Variants in RABAC1 observed in about 807,000 individuals in gnomAD.
RABAC1 encodes the protein prenylated Rab acceptor protein 1.
In RABAC1, 16 loss-of-function variants were observed where a neutral mutation model predicts 22.9. The ratio of observed to expected loss-of-function variants is 0.70; its 90% CI spans 0.47 to 1.06. RABAC1 has a LOEUF of 1.06. Among genes scored for constraint, RABAC1 ranks in the 50% least tolerant of loss-of-function variants. RABAC1 has a pLI of 0.00. For synonymous variants in RABAC1, 139 were observed against 107.7 expected (o/e 1.29, Z -1.80); for missense variants, 227 against 246.5 (o/e 0.92, Z 0.53).
chr19:41,958,965 C>T lies in RABAC1; in HGVS notation c.57-17G>A. 1 of 1,548,546 alleles carries T rather than the reference C, an allele frequency of 6.5e-7. No individual in the cohort carries two copies. Among genetic ancestry groups the T allele is most frequent in the South Asian group, 1.2e-5 (1 of 85,174 alleles). On this transcript the variant is annotated splice_polypyrimidine_tract_variant and intron_variant, in intron 1 of 4. Coordinates refer to ENST00000222008, the MANE Select transcript of RABAC1 (RefSeq NM_006423.3). ...AGCAGGGTCCTGCGGGGGGTGGGGCCGGGTCAGTGGTGGACCGGGATGGAG... is the reference window on the plus strand; with the variant it reads ...AGCAGGGTCCTGCGGGGGGTGGGGCTGGGTCAGTGGTGGACCGGGATGGAG...
chr19:41,957,186 GC>G (rs2074993970), intron 3 of RABAC1, 67 bp from the exon 4 acceptor site: 6 of 1,325,628 alleles, frequency 4.5e-6, no homozygotes, highest in East Asian at 2.4e-5. Context: ...AACCCCTGCT[GC>G]CCCCCAACAA....
chr19:41,956,924 C>T lies in RABAC1; in HGVS notation c.480G>A (p.Leu160=), dbSNP rs934783410. 7 of 1,612,760 alleles carry T rather than the reference C, an allele frequency of 4.3e-6. No homozygotes were observed. The highest frequency in any genetic ancestry group is 5.9e-6 in the Non-Finnish European group (7 of 1,179,408). The change falls in exon 5 of 5, where the codon CTG becomes CTA. Residue 160 remains leucine (L), a synonymous_variant. Transcript: ENST00000222008. ...SAVFWVLGAT[L]VVIGSHAAFH... ...AGGCAGCGTGGGAGCCGATGACCACCAGGGTGGCTCCTGCAGGAAAGCCGG... is the reference window on the plus strand; with the variant it reads ...AGGCAGCGTGGGAGCCGATGACCACTAGGGTGGCTCCTGCAGGAAAGCCGG...
intron 3 of RABAC1, chr19:41,957,427 GCGCAGAC>G (rs1555856867): frequency 2.6e-6 from 1 of 381,612 alleles, no homozygotes; most frequent in Non-Finnish European, 4.8e-6. Context: ...TGCAACCCTC[GCGCAGAC>G]CAGGGTCTCA....
At chr19:41,958,445 C>G in intron 2 of RABAC1, 62 bp from the exon 3 acceptor site, 1 of 1,487,712 alleles carries the variant, frequency 6.7e-7, no homozygotes, top group Admixed American at 1.9e-5. Flanking sequence ...CCCGACGGCC[C>G]TGGCCTTCTC....
At chr19:41,957,157 C>A (rs1555856825) in intron 3 of RABAC1, 38 bp from the exon 4 acceptor site, 1 of 1,544,692 alleles carries the variant, frequency 6.5e-7, no homozygotes, top group East Asian at 2.3e-5. Context: ...TTCCGACTCT[C>A]CATGCCCTCT....
chr19:41,956,967 C>A, intron 4 of RABAC1, 33 bp from the exon 5 acceptor site: 2 of 1,612,976 alleles, frequency 1.2e-6, no homozygotes, highest in Non-Finnish European at 1.7e-6. Flanking sequence ...GGGCCACACT[C>A]CTGCACCTGG....
chr19:41,958,228 A>T (rs929969026), intron 3 of RABAC1, 58 bp downstream of exon 3: 3 of 1,509,660 alleles, frequency 2.0e-6, no homozygotes, highest in Non-Finnish European at 2.7e-6. Flanking sequence ...GTCTGTCTGC[A>T]TTCCAAAAGA....
chr19:41,958,714 G>A, intron 2 of RABAC1, 22 bp downstream of exon 2: 1 of 1,603,492 alleles, frequency 6.2e-7, no homozygotes, highest in Non-Finnish European at 8.5e-7. Flanking sequence ...TAGTGCGGGT[G>A]CGGGGCCCGG....
At chr19:41,957,451 T>G (rs2074995257) in intron 3 of RABAC1, 2 of 312,848 alleles carry the variant, frequency 6.4e-6, no homozygotes, top group South Asian at 1.2e-4. Context: ...CTCAAACTGG[T>G]GGCCCAAGGG....
chr19:41,957,364 C>G, intron 3 of RABAC1: 1 of 525,814 alleles, frequency 1.9e-6, no homozygotes. Context: ...CCACATCCTC[C>G]AGGAAGTTCC....
At chr19:41,957,427 G>T (rs1411643538) in intron 3 of RABAC1, 1 of 381,612 alleles carries the variant, frequency 2.6e-6, no homozygotes, top group African/African-American at 2.1e-5. Context: ...TGCAACCCTC[G>T]CGCAGACCAG....
At chr19:41,956,977 G>A (rs781927064) in intron 4 of RABAC1, 41 bp downstream of exon 4, 1 of 1,612,820 alleles carries the variant, frequency 6.2e-7, no homozygotes, top group Admixed American at 1.7e-5. Context: ...CCTGCACCTG[G>A]CTCCCACCAT....
At chr19:41,957,197 A>C in intron 3 of RABAC1, 78 bp from the exon 4 acceptor site, 6 of 1,210,216 alleles carry the variant, frequency 5.0e-6, no homozygotes, top group Non-Finnish European at 7.2e-6. Context: ...CCCCCCAACA[A>C]TCCGTACAAG....
At position 41,956,722 on chromosome 19, in the gene RABAC1, C is replaced by T. The variant is rs537247349; in HGVS notation, c.*124G>A. The T allele has an allele frequency of 5.1e-5, 42 of 818,222 alleles. No individual in the cohort carries two copies. Among genetic ancestry groups the T allele is most frequent in the Admixed American group, 2.6e-4 (9 of 34,062 alleles). The allele number at this position is 818,222 out of a possible 1,614,324, so 50.7% of individuals were successfully genotyped here. A position where few individuals can be genotyped will look rare whatever the true frequency, so the allele number is the denominator to read the frequency against. ...CCCATAACAGCTTTATTTTCAAAGGCGGGATCCCTCCCCGGGCTTGTGATG... is the reference window on the plus strand; with the variant it reads ...CCCATAACAGCTTTATTTTCAAAGGTGGGATCCCTCCCCGGGCTTGTGATG... On this transcript the variant is annotated 3_prime_UTR_variant, in exon 5 of 5. Transcript: ENST00000222008.
chr19:41,958,640 G>A (rs1228410082), intron 2 of RABAC1, 96 bp downstream of exon 2: 25 of 1,346,704 alleles, frequency 1.9e-5, no homozygotes, highest in Non-Finnish European at 2.3e-5. Flanking sequence ...GGCGGTGAGA[G>A]GAGGGACCGG....
chr19:41,958,196 G>A lies in RABAC1; in HGVS notation c.367+90C>T, dbSNP rs781812175. On this transcript the variant is annotated intron_variant, in intron 3 of 4. Coordinates refer to ENST00000222008, the MANE Select transcript of RABAC1 (RefSeq NM_006423.3). ...GGCTTGGGCGGACTTGGGTTTTGAA[G>A]GACTTGGATTTGGGGTCTGAGGTCT... 1.0e-5 allele frequency: 13 copies of A among 1,301,302 alleles called. No homozygotes were observed. In the East Asian group the frequency reaches 2.5e-4, roughly 25 times the overall value. The allele number at this position is 1,301,302 out of a possible 1,614,324, so 80.6% of individuals were successfully genotyped here.
At chr19:41,958,491 G>C (rs2075000291) in intron 2 of RABAC1, 108 bp from the exon 3 acceptor site, 1 of 1,110,438 alleles carries the variant, frequency 9.0e-7, no homozygotes, top group Non-Finnish European at 1.3e-6. Context: ...TGGAGACCAG[G>C]GAGGGCCAGG....
Position 41,958,292 on chromosome 19 carries a change from G to A in RABAC1, c.361C>T (p.Leu121Phe), listed in dbSNP as rs782016544. The stretch of plus-strand genomic sequence containing the variant: ...TGGGCAGGGGGTTTCTCACCAAAGA[G>A]CACAAGCTTGGACTCCAAGGTGCGC... ...YLRTLESKLVLFGREVSPAHQ... is the reference protein window; with the variant it reads ...YLRTLESKLVFFGREVSPAHQ... Residue 121 changes from leucine to phenylalanine, a missense_variant, in exon 3 of 5, where the codon CTC (leucine) becomes TTC (phenylalanine). Coordinates refer to ENST00000222008, the MANE Select transcript of RABAC1 (RefSeq NM_006423.3). The A allele has an allele frequency of 2.5e-6, 4 of 1,611,824 alleles. No individual in the cohort carries two copies. Among genetic ancestry groups the A allele is most frequent in the Admixed American group, 1.7e-5 (1 of 59,706 alleles).
chr19:41,958,556 G>A (rs1555857029), intron 2 of RABAC1, among the ~76,000 whole-genome samples, 173 bp from the exon 3 acceptor site: 1 of 152,192 alleles, frequency 6.6e-6, no homozygotes, highest in Non-Finnish European at 1.5e-5. Context: ...AGGGGACCTG[G>A]CCCTTTGGTG....
Sources: allele counts gnomAD v4.1 joint callset (sites outside exome capture counted in the v4.1 genomes callset), GRCh38; gene constraint gnomAD v4.1.1; transcripts MANE v1.5; gene names NCBI Gene and HGNC (gene_info 2026-07-23, HGNC 2026-07-21).